Variants in WIPF1 observed in about 807,000 individuals in gnomAD.
WIPF1 encodes the protein WAS/WASL interacting protein family member 1.
WIPF1 carries 13 observed loss-of-function variants against 35.4 expected under a neutral mutation model. The ratio of observed to expected loss-of-function variants is 0.37; its 90% confidence interval spans 0.24 to 0.58. The LOEUF is 0.58. Ranked by LOEUF, WIPF1 falls within the 20% of genes least tolerant of loss-of-function variation. The pLI, the probability that WIPF1 is intolerant of heterozygous loss-of-function variation, is 0.74. For missense variants in WIPF1, 591 were observed against 667.0 expected, an observed-to-expected ratio of 0.89 and a Z score of 1.25; for synonymous variants, 267 against 266.3, an observed-to-expected ratio of 1.00 and a Z score of -0.02.
Position 174,571,923 on chromosome 2 carries a change from C to A in WIPF1, c.882G>T (p.Val294=), listed in dbSNP as rs1684865866. 6.2e-7 allele frequency: 1 copy of A among 1,603,870 alleles called. No homozygotes were observed. The highest frequency in any genetic ancestry group is 1.1e-5 in the South Asian group (1 of 89,590). Reference sequence around the variant, plus strand: ...AGGCCGAAGGCCGCGGAGTGGAAGGCACTGGAGGCTTGTTGTTCTGAGGAG... The same window carrying A: ...AGGCCGAAGGCCGCGGAGTGGAAGGAACTGGAGGCTTGTTGTTCTGAGGAG... ...PPPPQNNKPP[V]PSTPRPSASS... The change falls in exon 5 of 8, where the codon GTG becomes GTT. Residue 294 remains valine, a synonymous_variant. Coordinates refer to ENST00000679041, the MANE Select transcript of WIPF1 (RefSeq NM_001375834.1). The surrounding 1 kb of genome is among the most constrained non-coding windows in gnomAD (Gnocchi z 4.6).
At chr2:174,640,815 T>G (rs1159001288) in intron 1 of WIPF1, among the ~76,000 whole-genome samples, 1 of 152,100 alleles carries the variant, frequency 6.6e-6, no homozygotes, top group Non-Finnish European at 1.5e-5. Context: ...TTAATATTGT[T>G]AAAATGGCCA....
chr2:174,642,016 A>G (rs184119430), intron 1 of WIPF1, among the ~76,000 whole-genome samples: 13 of 152,262 alleles, frequency 8.5e-5, no homozygotes, highest in Admixed American at 5.9e-4. Flanking sequence ...ACTCTTTGCT[A>G]TAGAGAGATT....
rs150215759 is a variant in WIPF1, at chr2:174,638,625, G to A, written c.-39+44149C>T. Among the ~76,000 whole-genome samples the A allele has an allele frequency of 2.1e-3, 313 of 150,734 alleles. 6 individuals carry two copies. The East Asian group carries it at 0.05, about 24-fold the overall frequency. ...TCAACCTTTTTTTTTTTAAGATTCC[G>A]CATATGGGTGAGAGCATGTGGTTAT... is the stretch of plus-strand genomic sequence containing the variant. On this transcript the variant is annotated intron_variant, in intron 1 of 8. Transcript: ENST00000272746.
At chr2:174,582,855 T>A (rs1443797963) in intron 2 of WIPF1, among the ~76,000 whole-genome samples, 1 of 152,260 alleles carries the variant, frequency 6.6e-6, no homozygotes, top group Admixed American at 6.5e-5. Flanking sequence ...ATTACTTGCT[T>A]ATGATAATAA....
chr2:174,678,964 T>C (rs1688193523), intron 1 of WIPF1, among the ~76,000 whole-genome samples: 1 of 152,216 alleles, frequency 6.6e-6, no homozygotes, highest in South Asian at 2.1e-4. Context: ...CGTTTAGGCT[T>C]TTTTGGTATT....
At chr2:174,663,698 G>A (rs909093788) in intron 1 of WIPF1, among the ~76,000 whole-genome samples, 2 of 152,230 alleles carry the variant, frequency 1.3e-5, no homozygotes, top group Non-Finnish European at 2.9e-5. Context: ...AGAGGAACAC[G>A]CATGCAGGTT....
chr2:174,646,686 G>A (rs534920741), intron 1 of WIPF1, among the ~76,000 whole-genome samples: 5 of 152,044 alleles, frequency 3.3e-5, no homozygotes, highest in Admixed American at 6.5e-5. Flanking sequence ...GTGCAATCTC[G>A]GCTCATTGCA....
intron 1 of WIPF1, among the ~76,000 whole-genome samples, chr2:174,588,361 A>G (rs1395964479): frequency 6.6e-6 from 1 of 152,182 alleles, no homozygotes; most frequent in African/African-American, 2.4e-5. Context: ...TATCTAGGAA[A>G]GGGTGGATAT....
chr2:174,660,196 T>C (rs1282565478), intron 1 of WIPF1, among the ~76,000 whole-genome samples: 1 of 152,182 alleles, frequency 6.6e-6, no homozygotes, highest in Non-Finnish European at 1.5e-5. Flanking sequence ...CAGACTACCA[T>C]GTGGAAACCA....
At chr2:174,654,959 A>G (rs947453774) in intron 1 of WIPF1, among the ~76,000 whole-genome samples, 5 of 152,318 alleles carry the variant, frequency 3.3e-5, no homozygotes, top group South Asian at 4.1e-4. Context: ...GGCTCACAAC[A>G]TATTAGTCCT....
intron 1 of WIPF1, among the ~76,000 whole-genome samples, chr2:174,635,123 A>T (rs1317590157): frequency 6.6e-6 from 1 of 152,148 alleles, no homozygotes; most frequent in African/African-American, 2.4e-5. Context: ...ACACACCCTG[A>T]ATTTCCTGGG....
At chr2:174,570,225 A>T (rs1255209959) in intron 5 of WIPF1, among the ~76,000 whole-genome samples, 1 of 152,186 alleles carries the variant, frequency 6.6e-6, no homozygotes, top group East Asian at 1.9e-4. Flanking sequence ...TCATATCAGC[A>T]AACATTAATG....
chr2:174,620,074 C>T (rs1161251920), intron 1 of WIPF1, among the ~76,000 whole-genome samples: 1 of 152,170 alleles, frequency 6.6e-6, no homozygotes, highest in Non-Finnish European at 1.5e-5. Flanking sequence ...AAACTCTATG[C>T]TCCTTAATAA....
intron 1 of WIPF1, among the ~76,000 whole-genome samples, chr2:174,649,652 C>G (rs1687490897): frequency 1.3e-5 from 2 of 152,150 alleles, no homozygotes; most frequent in South Asian, 2.1e-4. Flanking sequence ...TGGTGTCTTT[C>G]CCATGTGGCC....
intron 1 of WIPF1, among the ~76,000 whole-genome samples, chr2:174,644,908 A>G (rs954899046): frequency 2.6e-5 from 4 of 152,154 alleles, no homozygotes; most frequent in Admixed American, 6.5e-5. Flanking sequence ...CTTTGATATC[A>G]CTGGAGGGAT....
rs998055272 is a variant in WIPF1 at position 174,582,385 on chromosome 2, G to A, written c.52-946C>T. On this transcript the variant is annotated intron_variant, in intron 2 of 7. Transcript: ENST00000679041. ...GTCTATCACACTTGGAAACTGGCTA[G>A]GTCTTGTCTGTCTCAGGGAGAGTCT... Among the ~76,000 whole-genome samples the A allele has an allele frequency of 3.9e-5, 6 of 152,328 alleles. No individual in the cohort carries two copies. In the South Asian group the frequency reaches 8.3e-4, roughly 21 times the overall value.
intron 3 of WIPF1, 66 bp downstream of exon 3, chr2:174,581,244 A>G: frequency 6.5e-7 from 1 of 1,532,012 alleles, no homozygotes; most frequent in Non-Finnish European, 8.8e-7. Context: ...TTGAGTGGTG[A>G]GGGTAGGGTT....
At chr2:174,662,915 T>G (rs1687809118) in intron 1 of WIPF1, among the ~76,000 whole-genome samples, 1 of 152,228 alleles carries the variant, frequency 6.6e-6, no homozygotes, top group East Asian at 1.9e-4. Flanking sequence ...TATTTACAGA[T>G]TCCTAATTAC....
intron 2 of WIPF1, among the ~76,000 whole-genome samples, chr2:174,583,030 G>C (rs372606261): frequency 3.9e-5 from 6 of 152,150 alleles, no homozygotes; most frequent in East Asian, 3.8e-4. Context: ...TAGTTGAGGA[G>C]GAGCTGGGAT....
Sources: allele counts gnomAD v4.1 joint callset (sites outside exome capture counted in the v4.1 genomes callset), GRCh38; gene constraint gnomAD v4.1.1; non-coding constraint Gnocchi (gnomAD v3.1); transcripts MANE v1.5; gene names NCBI Gene and HGNC (gene_info 2026-07-23, HGNC 2026-07-21).